The following EPHB2 variants were observed in gnomAD, a reference collection of about 807,000 sequenced individuals.
EPHB2 encodes ephrin type-B receptor 2.
Under a neutral mutation model 96.4 loss-of-function variants are expected in EPHB2, and 18 were observed. The observed-to-expected ratio is 0.19, with a 90% CI of 0.13 to 0.28. The LOEUF is 0.28. EPHB2 is among the 10% of genes least tolerant of loss of function. The pLI, the probability that EPHB2 is intolerant of heterozygous loss-of-function variation, is 1.00. For missense variants in EPHB2, 989 were observed against 1,355.4 expected (o/e 0.73, Z 4.25); for synonymous variants, 506 against 534.1 (o/e 0.95, Z 0.72).
chr1:22,820,806 A>G (rs762829894), intron 3 of EPHB2, among the ~76,000 whole-genome samples: 11 of 152,244 alleles, frequency 7.2e-5, no homozygotes, highest in Non-Finnish European at 1.3e-4. Flanking sequence ...TATTATAACC[A>G]TTTCACAGAT....
At chr1:22,825,055 C>G (rs1049708366) in intron 3 of EPHB2, among the ~76,000 whole-genome samples, 1 of 152,246 alleles carries the variant, frequency 6.6e-6, no homozygotes, top group African/African-American at 2.4e-5. Context: ...AGGTCAGGAG[C>G]ATAGTCTGTG....
chr1:22,858,261 A>G lies in EPHB2; in HGVS notation c.812-4776A>G, dbSNP rs79005594. 0.015 allele frequency among the ~76,000 whole-genome samples: 2,266 copies of G among 152,274 alleles called. 53 individuals are homozygous for G. Among genetic ancestry groups the G allele is most frequent in the African/African-American group, 0.052 (2,158 of 41,550 alleles). ...GGGAAGCGTCCAGGAGACCATCAGG[A>G]CCAACCTCACAGGCCTTGTAGCCAG... On this transcript the variant is annotated intron_variant, in intron 3 of 15. Transcript: ENST00000374630. The surrounding 1 kb of genome is among the most constrained non-coding windows in gnomAD (Gnocchi z 7.7).
At chr1:22,775,121 G>A (rs1215034877) in intron 1 of EPHB2, 2 of 766,504 alleles carry the variant, frequency 2.6e-6, no homozygotes, top group Non-Finnish European at 4.9e-6. Context: ...AAGCCCTGAT[G>A]ACTTTGTTGT....
intron 3 of EPHB2, among the ~76,000 whole-genome samples, chr1:22,853,577 C>T (rs1645655826): frequency 1.3e-5 from 2 of 152,216 alleles, no homozygotes; most frequent in South Asian, 2.1e-4. Context: ...ACAGTTGATT[C>T]GGGCTGGAGT....
chr1:22,870,758 C>T (rs1011049616), intron 5 of EPHB2, among the ~76,000 whole-genome samples: 5 of 152,194 alleles, frequency 3.3e-5, no homozygotes, highest in Admixed American at 2.0e-4. Flanking sequence ...TGCCAGCTTC[C>T]GGAAGTAGTG....
intron 5 of EPHB2, 149 bp downstream of exon 5, chr1:22,865,361 A>G (rs771349400): frequency 5.6e-6 from 5 of 896,896 alleles, no homozygotes; most frequent in Non-Finnish European, 9.0e-6. Context: ...TGGGAGAGTA[A>G]GTGCTACCTC....
chr1:22,882,656 CTG>C, intron 6 of EPHB2, 173 bp downstream of exon 6: 1 of 962,086 alleles, frequency 1.0e-6, no homozygotes, highest in Admixed American at 2.3e-5. Context: ...CTCCTTCCCA[CTG>C]TGAGACCTCA....
At position 22,840,838 on chromosome 1, in the gene EPHB2, CA is replaced by C. The variant is rs1253237823; in HGVS notation, c.812-22198del. 2.6e-5 allele frequency among the ~76,000 whole-genome samples: 4 copies of C among 152,316 alleles called. 1 individual carries two copies. The South Asian group carries it at 6.2e-4, about 24-fold the overall frequency. ...AGACACATTATCCTAGCACTTTACA[CA>C]TGTTAATTTATTTAATCCCCACAAC... On this transcript the variant is annotated intron_variant, in intron 3 of 15. Coordinates refer to ENST00000374630, the MANE Select transcript of EPHB2 (RefSeq NM_017449.5).
intron 1 of EPHB2, among the ~76,000 whole-genome samples, chr1:22,774,016 C>T (rs1490528935): frequency 1.3e-5 from 2 of 152,236 alleles, no homozygotes; most frequent in Non-Finnish European, 2.9e-5. Context: ...TGGCCTAGAG[C>T]CCACCACTGA....
chr1:22,894,951 G>A (rs979179572), intron 7 of EPHB2, among the ~76,000 whole-genome samples: 2 of 152,192 alleles, frequency 1.3e-5, no homozygotes, highest in African/African-American at 4.8e-5. Context: ...TAGGTGCCAG[G>A]TGTTGTTCTA....
intron 1 of EPHB2, among the ~76,000 whole-genome samples, chr1:22,742,383 G>A (rs898797237): frequency 1.3e-5 from 2 of 152,204 alleles, no homozygotes; most frequent in African/African-American, 4.8e-5. Flanking sequence ...AAAGCTGAGA[G>A]CCGGAGCTCT....
rs116079599 is a variant in EPHB2 at position 22,879,282 on chromosome 1, G to T, written c.1304-3077G>T. 2.6e-3 allele frequency among the ~76,000 whole-genome samples: 394 copies of T among 152,340 alleles called. 4 individuals are homozygous for T. Among genetic ancestry groups the T allele is most frequent in the African/African-American group, 8.7e-3 (361 of 41,560 alleles). On this transcript the variant is annotated intron_variant, in intron 5 of 15. Coordinates refer to ENST00000374630, the MANE Select transcript of EPHB2 (RefSeq NM_017449.5). The stretch of plus-strand genomic sequence containing the variant: ...GCAGAGAAGCTGTGGGGAGGCATGG[G>T]GATTGGGGTGCTTCCCGGGCCAGCA...
intron 1 of EPHB2, among the ~76,000 whole-genome samples, chr1:22,744,807 C>A (rs943366581): frequency 6.0e-5 from 9 of 150,668 alleles, no homozygotes; most frequent in African/African-American, 2.2e-4. Context: ...GAGCTATGAT[C>A]ATGCCACAGC....
rs562191003 is a variant in EPHB2 at position 22,746,330 on chromosome 1, G to A, written c.62-35091G>A. On this transcript the variant is annotated intron_variant, in intron 1 of 15. Transcript: ENST00000374630. ...CATAAGTATGGACTGAAAGATGAGC[G>A]GGAGTTGACCTGGCTAAAAGGGAAG... Among the ~76,000 whole-genome samples the A allele has an allele frequency of 2.6e-4, 39 of 152,318 alleles. 1 individual carries two copies. Among genetic ancestry groups the A allele is most frequent in the African/African-American group, 7.5e-4 (31 of 41,582 alleles).
At chr1:22,883,190 T>C (rs776869126) in intron 6 of EPHB2, among the ~76,000 whole-genome samples, 1 of 152,214 alleles carries the variant, frequency 6.6e-6, no homozygotes, top group Non-Finnish European at 1.5e-5. Context: ...CGGGGAGCTA[T>C]GCAGGTTACG....
chr1:22,821,670 C>T (rs1645153904), intron 3 of EPHB2, among the ~76,000 whole-genome samples: 1 of 152,234 alleles, frequency 6.6e-6, no homozygotes, highest in African/African-American at 2.4e-5. Context: ...TTCCCATTTT[C>T]CTCTCTCCCT....
chr1:22,737,955 G>GCA (rs1454616176), intron 1 of EPHB2, among the ~76,000 whole-genome samples: 1 of 152,220 alleles, frequency 6.6e-6, no homozygotes, highest in Non-Finnish European at 1.5e-5. Flanking sequence ...CCTGGAATGA[G>GCA]ACTGGATCTG....
At chr1:22,737,639 T>C (rs1054105361) in intron 1 of EPHB2, among the ~76,000 whole-genome samples, 1 of 152,188 alleles carries the variant, frequency 6.6e-6, no homozygotes, top group African/African-American at 2.4e-5. Context: ...ACAATTCTTA[T>C]AACACCAAGG....
chr1:22,800,965 G>A (rs769174624), intron 3 of EPHB2, among the ~76,000 whole-genome samples: 3 of 152,150 alleles, frequency 2.0e-5, no homozygotes, highest in South Asian at 2.1e-4. Flanking sequence ...TCCCTGGCCC[G>A]CCCATCTCCT....
Sources: allele counts gnomAD v4.1 joint callset (sites outside exome capture counted in the v4.1 genomes callset), GRCh38; gene constraint gnomAD v4.1.1; non-coding constraint Gnocchi (gnomAD v3.1); transcripts MANE v1.5; gene names NCBI Gene and HGNC (gene_info 2026-07-23, HGNC 2026-07-21).